SYK: variants seen among roughly 807,000 people sequenced by gnomAD.
The protein encoded by SYK is tyrosine-protein kinase SYK.
Under a neutral mutation model 77.8 loss-of-function variants are expected in SYK, and 16 were observed. The ratio of observed to expected loss-of-function variants is 0.21; its 90% confidence interval spans 0.14 to 0.31. The LOEUF is 0.31. Ranked by LOEUF, SYK falls within the 10% of genes least tolerant of loss-of-function variation. The pLI is 1.00. For synonymous variants in SYK, 312 were observed against 308.7 expected (o/e 1.01, Z -0.11); for missense variants, 529 against 814.4 (o/e 0.65, Z 4.26).
At position 90,844,157 on chromosome 9, in the gene SYK, G is replaced by A. The variant is rs201177148; in HGVS notation, c.259G>A (p.Asp87Asn). 1.7e-4 allele frequency: 277 copies of A among 1,614,188 alleles called. 1 individual carries two copies. The South Asian group carries it at 2.8e-3, about 16-fold the overall frequency. The change falls in exon 2 of 14, where the codon GAC becomes AAC. Residue 87 changes from aspartate (D) to asparagine (N), a missense_variant. By Grantham distance (23) the Asp-to-Asn change is conservative. This residue lies in a region of SYK where 321 missense variants were observed against 433.1 expected (regional missense o/e 0.74). Coordinates refer to ENST00000375754, the MANE Select transcript of SYK (RefSeq NM_003177.7). Reference sequence around the variant, plus strand: ...TGGCAGGACCCATGCCAGCCCCGCCGACCTCTGCCACTACCACTCCCAGGA... The same window carrying A: ...TGGCAGGACCCATGCCAGCCCCGCCAACCTCTGCCACTACCACTCCCAGGA... ...AGGRTHASPA[D>N]LCHYHSQESD...
At chr9:90,825,270 CAAT>C (rs2118449449) in intron 1 of SYK, among the ~76,000 whole-genome samples, 1 of 152,276 alleles carries the variant, frequency 6.6e-6, no homozygotes, top group South Asian at 2.1e-4. Context: ...TTGGAAGACT[CAAT>C]GTTGTTAAAA....
chr9:90,838,258 G>T (rs1826162743), intron 1 of SYK, among the ~76,000 whole-genome samples: 1 of 152,318 alleles, frequency 6.6e-6, no homozygotes, highest in South Asian at 2.1e-4. Flanking sequence ...CAGGCATGGT[G>T]ATATGGCAGT....
intron 11 of SYK, among the ~76,000 whole-genome samples, chr9:90,879,441 ATGGAGCTAT>A (rs1735185885): frequency 6.6e-6 from 1 of 152,248 alleles, no homozygotes; most frequent in South Asian, 2.1e-4. Context: ...GTCCCACAGC[ATGGAGCTAT>A]TGGAGCTTGG....
chr9:90,828,820 G>A (rs1210312948), intron 1 of SYK, among the ~76,000 whole-genome samples: 1 of 152,126 alleles, frequency 6.6e-6, no homozygotes, highest in Admixed American at 6.5e-5. Flanking sequence ...CCGGTCACCA[G>A]CACAGCACGG....
rs186279193 is a variant in SYK, at chr9:90,897,270, T to C, written c.*1670T>C. The C allele has an allele frequency of 1.1e-3, 253 of 230,646 alleles. 3 individuals are homozygous for C. The highest frequency in any genetic ancestry group is 4.5e-4 in the Non-Finnish European group (52 of 116,336). The allele number at this position is 230,646 out of a possible 1,614,324, so 14.3% of individuals were successfully genotyped here. A position where few individuals can be genotyped will look rare whatever the true frequency, so the allele number is the denominator to read the frequency against. On this transcript the variant is annotated 3_prime_UTR_variant, in exon 14 of 14. Transcript: ENST00000375754. ...CATATAACTTGTGTTTAGAAGTTTT[T>C]GGTAGCCACGCACACTTTCTGAAAT...
chr9:90,895,662 C>T lies in SYK; in HGVS notation c.*62C>T. 1.3e-6 allele frequency: 2 copies of T among 1,500,982 alleles called. No individual in the cohort carries two copies. Among genetic ancestry groups the T allele is most frequent in the Non-Finnish European group, 1.9e-6 (2 of 1,079,656 alleles). 93.0% of individuals were successfully genotyped at this position (1,500,982 alleles called of 1,614,324 possible). On this transcript the variant is annotated 3_prime_UTR_variant, in exon 14 of 14. Coordinates refer to ENST00000375754, the MANE Select transcript of SYK (RefSeq NM_003177.7). This position sits in a 1 kb window ranked among gnomAD's most constrained non-coding sequence, Gnocchi z 4.4. ...AGGAGCAATCACAGGAAAATGTATCCAGAGGAATTGATTGTCAGCCACCTC... is the reference window on the plus strand; with the variant it reads ...AGGAGCAATCACAGGAAAATGTATCTAGAGGAATTGATTGTCAGCCACCTC...
rs1205306153 is a variant in SYK at position 90,845,284 on chromosome 9, G to T, written c.418-150G>T. The T allele has an allele frequency of 3.9e-6, 3 of 776,884 alleles. 1 individual carries two copies. The African/African-American group carries it at 5.3e-5, about 14-fold the overall frequency. 48.1% of individuals were successfully genotyped at this position (776,884 alleles called of 1,614,324 possible). On this transcript the variant is annotated intron_variant, in intron 2 of 13. Coordinates refer to ENST00000375754, the MANE Select transcript of SYK (RefSeq NM_003177.7). ...GAAAGTACTTAAGTAATGTGTAAAG[G>T]TCTTTCTGGTTTTATTTACTGAATG...
chr9:90,810,653 G>A (rs1825037639), intron 1 of SYK, among the ~76,000 whole-genome samples: 1 of 152,178 alleles, frequency 6.6e-6, no homozygotes, highest in Non-Finnish European at 1.5e-5. Context: ...CTGTACAGAT[G>A]ATTCCAGAAC....
intron 1 of SYK, among the ~76,000 whole-genome samples, chr9:90,819,163 G>C (rs1205375850): frequency 6.6e-6 from 1 of 152,138 alleles, no homozygotes; most frequent in East Asian, 1.9e-4. Context: ...TGAGGCCCTT[G>C]GTGAATATCT....
At chr9:90,835,139 A>G (rs1826022883) in intron 1 of SYK, among the ~76,000 whole-genome samples, 1 of 152,230 alleles carries the variant, frequency 6.6e-6, no homozygotes, top group Non-Finnish European at 1.5e-5. Context: ...AGGTTGAGTA[A>G]CCCCGAGCTA....
intron 7 of SYK, among the ~76,000 whole-genome samples, chr9:90,873,279 C>T (rs1251062953): frequency 1.3e-5 from 2 of 151,248 alleles, no homozygotes; most frequent in Non-Finnish European, 2.9e-5. Context: ...CTCATTTCTT[C>T]GTGGCCAGTG....
chr9:90,818,865 T>C (rs1825401726), intron 1 of SYK, among the ~76,000 whole-genome samples: 1 of 152,224 alleles, frequency 6.6e-6, no homozygotes, highest in Non-Finnish European at 1.5e-5. Context: ...TTCTCTACCC[T>C]GCAGGAATTA....
Position 90,875,074 on chromosome 9 carries a change from T to G in SYK, c.1181+225T>G, listed in dbSNP as rs537111821. ...ATAGTACATGCACCTTATGGAAAATTAGGAAATAGAAACAAGCAGAAACAT... is the reference window on the plus strand; with the variant it reads ...ATAGTACATGCACCTTATGGAAAATGAGGAAATAGAAACAAGCAGAAACAT... On this transcript the variant is annotated intron_variant, in intron 9 of 13. Transcript: ENST00000375754. Among the ~76,000 whole-genome samples, 4 of 151,744 alleles carry G rather than the reference T, an allele frequency of 2.6e-5. No homozygotes were observed. In the East Asian group the frequency reaches 7.7e-4, roughly 29 times the overall value.
At chr9:90,834,001 G>A (rs1489744368) in intron 1 of SYK, among the ~76,000 whole-genome samples, 3 of 152,222 alleles carry the variant, frequency 2.0e-5, no homozygotes, top group Non-Finnish European at 4.4e-5. Context: ...ATCAAAGCCT[G>A]TAGAATAAAT....
At chr9:90,854,084 C>T (rs768160328) in intron 3 of SYK, among the ~76,000 whole-genome samples, 11 of 152,082 alleles carry the variant, frequency 7.2e-5, no homozygotes, top group Non-Finnish European at 1.3e-4. Context: ...GTCATGGTCA[C>T]GTGGTGCCCT....
chr9:90,850,035 G>A (rs189181939), intron 3 of SYK, among the ~76,000 whole-genome samples: 30 of 152,316 alleles, frequency 2.0e-4, no homozygotes, highest in African/African-American at 6.7e-4. Flanking sequence ...CATGACCTCT[G>A]CAGGTGAGTC....
At chr9:90,844,532 C>T (rs1417956326) in intron 2 of SYK, among the ~76,000 whole-genome samples, 2 of 152,248 alleles carry the variant, frequency 1.3e-5, no homozygotes, top group African/African-American at 2.4e-5. Context: ...TTTGTGCCAG[C>T]AGTGTGGGTT....
intron 3 of SYK, among the ~76,000 whole-genome samples, chr9:90,849,018 A>C (rs1440062173): frequency 1.3e-5 from 2 of 152,214 alleles, no homozygotes; most frequent in Non-Finnish European, 2.9e-5. Context: ...GGGCACCCAC[A>C]GAGGCCAGTG....
At chr9:90,894,545 A>T (rs967641377) in intron 13 of SYK, among the ~76,000 whole-genome samples, 1 of 152,282 alleles carries the variant, frequency 6.6e-6, no homozygotes, top group South Asian at 2.1e-4. Context: ...TGCGCGTTCT[A>T]TGGCTGTTCT....
Sources: allele counts gnomAD v4.1 joint callset (sites outside exome capture counted in the v4.1 genomes callset), GRCh38; gene constraint gnomAD v4.1.1; regional missense constraint gnomAD v4.1.1; non-coding constraint Gnocchi (gnomAD v3.1); transcripts MANE v1.5; gene names NCBI Gene and HGNC (gene_info 2026-07-23, HGNC 2026-07-21).